ARFIP1: variants seen among roughly 807,000 people sequenced by gnomAD.
The protein encoded by ARFIP1 is ARF interacting protein 1, also known as arfaptin-1.
A neutral mutation model predicts 42.5 loss-of-function variants in ARFIP1; 24 were observed. The ratio of observed to expected loss-of-function variants is 0.57; its 90% confidence interval spans 0.41 to 0.80. The LOEUF is 0.80. ARFIP1 is among the 30% of genes least tolerant of loss of function. The pLI is 0.00. For missense variants in ARFIP1, 354 were observed against 434.0 expected, an observed-to-expected ratio of 0.82 and a Z score of 1.64; for synonymous variants, 141 against 153.7, an observed-to-expected ratio of 0.92 and a Z score of 0.61.
intron 3 of ARFIP1, among the ~76,000 whole-genome samples, chr4:152,866,398 G>T (rs1734343084): frequency 6.6e-6 from 1 of 152,204 alleles, no homozygotes; most frequent in South Asian, 2.1e-4. Context: ...CCTCCCAGAC[G>T]GGGTGGTGGC....
At chr4:152,825,062 TGAAA>T (rs1332967426) in intron 1 of ARFIP1, among the ~76,000 whole-genome samples, 8 of 151,586 alleles carry the variant, frequency 5.3e-5, no homozygotes, top group African/African-American at 1.9e-4. Context: ...AAAACACTGC[TGAAA>T]GAAATAATAG....
Position 152,872,486 on chromosome 4 carries a change from T to G in ARFIP1, c.333T>G (p.Val111=). The G allele has an allele frequency of 6.2e-7, 1 of 1,611,746 alleles. No individual in the cohort carries two copies. The highest frequency in any genetic ancestry group is 1.1e-5 in the South Asian group (1 of 90,580). The change falls in exon 5 of 9, where the codon GTT becomes GTG. Residue 111 remains valine, a synonymous_variant. Transcript: ENST00000353617. ...GQRTQTKSGP[V]ILADEIKNPA... ...GAACACAGACAAAAAGTGGACCAGTTATTCTAGCAGATGAAATTAAAAATC... is the reference window on the plus strand; with the variant it reads ...GAACACAGACAAAAAGTGGACCAGTGATTCTAGCAGATGAAATTAAAAATC...
chr4:152,843,667 G>C (rs1220422407), intron 2 of ARFIP1, among the ~76,000 whole-genome samples: 2 of 152,114 alleles, frequency 1.3e-5, no homozygotes, highest in Non-Finnish European at 2.9e-5. Context: ...GGCTGCCTCT[G>C]CTGAGTCACA....
intron 8 of ARFIP1, among the ~76,000 whole-genome samples, chr4:152,904,200 T>TATATATATA (rs1561185816): frequency 1.5e-5 from 1 of 66,170 alleles, no homozygotes; most frequent in African/African-American, 4.7e-5. Context: ...ATATATATAT[T>TATATATATA]TTTTTTTTTT....
At chr4:152,887,173 C>A (rs561843804) in intron 7 of ARFIP1, among the ~76,000 whole-genome samples, 13 of 151,922 alleles carry the variant, frequency 8.6e-5, no homozygotes, top group Non-Finnish European at 1.6e-4. Context: ...GGATAAATCA[C>A]TGTTTAATAA....
chr4:152,782,223 G>GGGGTGTGT (rs376749528), intron 1 of ARFIP1, among the ~76,000 whole-genome samples: 1 of 148,668 alleles, frequency 6.7e-6, no homozygotes, highest in African/African-American at 2.5e-5. Flanking sequence ...AACAGGTAGG[G>GGGGTGTGT]GTGTGTGTGT....
chr4:152,816,078 C>T (rs184991747), intron 1 of ARFIP1, among the ~76,000 whole-genome samples: 2 of 152,268 alleles, frequency 1.3e-5, no homozygotes, highest in East Asian at 3.9e-4. Context: ...AGCTACTGTT[C>T]CCCTACTCCA....
intron 1 of ARFIP1, among the ~76,000 whole-genome samples, chr4:152,781,922 T>C (rs969655063): frequency 6.6e-6 from 1 of 152,162 alleles, no homozygotes; most frequent in Non-Finnish European, 1.5e-5. Flanking sequence ...TTTGAGTGAA[T>C]TTTTTTCCCC....
intron 3 of ARFIP1, among the ~76,000 whole-genome samples, chr4:152,867,070 C>T (rs368857476): frequency 2.7e-5 from 4 of 145,552 alleles, no homozygotes; most frequent in South Asian, 2.1e-4. Flanking sequence ...CAGGCAGAGA[C>T]GCTCCTCACT....
At chr4:152,873,279 G>A (rs1735046551) in intron 5 of ARFIP1, among the ~76,000 whole-genome samples, 13 of 152,134 alleles carry the variant, frequency 8.5e-5, no homozygotes, top group Admixed American at 8.5e-4. Context: ...AACTGATTGT[G>A]GGTCTAGTGA....
At chr4:152,800,721 T>C (rs1250566195) in intron 1 of ARFIP1, among the ~76,000 whole-genome samples, 1 of 152,200 alleles carries the variant, frequency 6.6e-6, no homozygotes, top group Non-Finnish European at 1.5e-5. Flanking sequence ...CACTCTTCTT[T>C]TGTGTAACTC....
intron 1 of ARFIP1, among the ~76,000 whole-genome samples, chr4:152,813,020 A>G (rs1729590634): frequency 6.6e-6 from 1 of 152,212 alleles, no homozygotes; most frequent in African/African-American, 2.4e-5. Flanking sequence ...CCTTCAGTCT[A>G]GCCTCCCACC....
At chr4:152,804,709 A>G (rs985706135) in intron 1 of ARFIP1, among the ~76,000 whole-genome samples, 12 of 151,374 alleles carry the variant, frequency 7.9e-5, no homozygotes, top group African/African-American at 2.9e-4. Flanking sequence ...AGGAATAATA[A>G]TGGTACCTAG....
At chr4:152,845,430 GA>G (rs1732459324) in intron 2 of ARFIP1, among the ~76,000 whole-genome samples, 1 of 152,144 alleles carries the variant, frequency 6.6e-6, no homozygotes, top group Non-Finnish European at 1.5e-5. Flanking sequence ...TACAGAATGG[GA>G]GAAAATATTT....
chr4:152,882,979 T>C (rs1735966927), intron 7 of ARFIP1, 99 bp downstream of exon 7: 3 of 1,273,754 alleles, frequency 2.4e-6, no homozygotes, highest in East Asian at 5.0e-5. Flanking sequence ...CTGGCCAATA[T>C]GGGCAGGAAA....
intron 5 of ARFIP1, among the ~76,000 whole-genome samples, chr4:152,874,133 A>G (rs1371110235): frequency 1.3e-5 from 2 of 151,912 alleles, no homozygotes; most frequent in African/African-American, 4.8e-5. Flanking sequence ...ATTTGTTCCT[A>G]TGTGTTTATG....
intron 8 of ARFIP1, among the ~76,000 whole-genome samples, chr4:152,899,154 C>T (rs1737606334): frequency 6.6e-6 from 1 of 152,154 alleles, no homozygotes; most frequent in African/African-American, 2.4e-5. Flanking sequence ...CATCTGCCTA[C>T]ATATGTATCC....
intron 8 of ARFIP1, among the ~76,000 whole-genome samples, chr4:152,898,489 A>G (rs546658982): frequency 6.6e-6 from 1 of 152,186 alleles, no homozygotes; most frequent in Non-Finnish European, 1.5e-5. Flanking sequence ...ATGCTTTTTT[A>G]AAAATTCACC....
At chr4:152,883,063 C>G (rs913459775) in intron 7 of ARFIP1, among the ~76,000 whole-genome samples, 183 bp downstream of exon 7, 2 of 152,080 alleles carry the variant, frequency 1.3e-5, no homozygotes, top group South Asian at 4.1e-4. Context: ...CTGGAAACAA[C>G]CAAGAACCAA....
Sources: gnomAD v4.1 joint callset for allele counts (sites outside exome capture counted in the v4.1 genomes callset) on GRCh38, gnomAD v4.1.1 for gene constraint, MANE v1.5 for transcripts, NCBI Gene and HGNC (gene_info 2026-07-23, HGNC 2026-07-21) for gene names.